The following LNPEP variants were observed in gnomAD, a reference collection of about 807,000 sequenced individuals.
LNPEP encodes the protein leucyl and cystinyl aminopeptidase.
A neutral mutation model predicts 120.6 loss-of-function variants in LNPEP; 64 were observed. That is an observed-to-expected ratio of 0.53 (90% CI 0.43 to 0.65). The LOEUF is 0.65. LNPEP is among the 30% of genes least tolerant of loss of function. The pLI is 0.00. For synonymous variants in LNPEP, 435 were observed against 425.4 expected (o/e 1.02, Z -0.28); for missense variants, 1,057 against 1,200.0 (o/e 0.88, Z 1.76).
At chr5:96,962,455 GT>G (rs1789627063) in intron 1 of LNPEP, among the ~76,000 whole-genome samples, 1 of 152,130 alleles carries the variant, frequency 6.6e-6, no homozygotes, top group Non-Finnish European at 1.5e-5. Context: ...GTGCTAGACT[GT>G]GTTCTAAATG....
chr5:97,035,176 A>T lies in LNPEP; in HGVS notation c.*6643A>T, dbSNP rs368814106. ...TATTGTTTAATTTTTTTTTATGGGG[A>T]GGGGTTCTTTGGGTGGGTAATAGTC... On this transcript the variant is annotated 3_prime_UTR_variant, in exon 18 of 18. Transcript: ENST00000231368. 4.6e-5 allele frequency: 7 copies of T among 151,602 alleles called. No individual in the cohort carries two copies. Among genetic ancestry groups the T allele is most frequent in the African/African-American group, 1.7e-4 (7 of 41,292 alleles). The allele number at this position is 151,602 out of a possible 1,614,324, so 9.4% of individuals were successfully genotyped here.
At chr5:97,009,035 A>G (rs191254462) in intron 11 of LNPEP, among the ~76,000 whole-genome samples, 4 of 152,178 alleles carry the variant, frequency 2.6e-5, no homozygotes, top group East Asian at 1.9e-4. Context: ...CTCATATTTT[A>G]CTGCTTTAGC....
At chr5:96,946,345 C>T (rs1355300143) in intron 1 of LNPEP, among the ~76,000 whole-genome samples, 1 of 152,042 alleles carries the variant, frequency 6.6e-6, no homozygotes, top group African/African-American at 2.4e-5. Context: ...GTAGGAAGCA[C>T]ACAGAAAAAT....
At chr5:96,959,127 G>A (rs140093010) in intron 1 of LNPEP, among the ~76,000 whole-genome samples, 27 of 152,210 alleles carry the variant, frequency 1.8e-4, no homozygotes, top group East Asian at 1.7e-3. Context: ...GTATTGGGCC[G>A]TCCTGGATAA....
At chr5:97,015,141 T>C in intron 13 of LNPEP, 46 bp downstream of exon 13, 1 of 1,346,058 alleles carries the variant, frequency 7.4e-7, no homozygotes, top group South Asian at 1.9e-5. Context: ...TCTTTAATAT[T>C]GTTATTCATG....
rs183045811 is a variant in LNPEP, at chr5:96,954,846, G to A, written c.19+18672G>A. Reference sequence around the variant, plus strand: ...CGCCCAGGCTGGAGTGCAGTGGCACGATCTCGGCTCACTGCAAGCTCCGCC... The same window carrying A: ...CGCCCAGGCTGGAGTGCAGTGGCACAATCTCGGCTCACTGCAAGCTCCGCC... On this transcript the variant is annotated intron_variant, in intron 1 of 17. Transcript: ENST00000231368. Among the ~76,000 whole-genome samples, 7 of 125,628 alleles carry A rather than the reference G, an allele frequency of 5.6e-5. No individual in the cohort carries two copies. In the South Asian group the frequency reaches 7.9e-4, roughly 14 times the overall value. 82.4% of individuals were successfully genotyped at this position (125,628 alleles called of 152,430 possible). A position where few individuals can be genotyped will look rare whatever the true frequency, so the allele number is the denominator to read the frequency against.
intron 1 of LNPEP, among the ~76,000 whole-genome samples, chr5:96,951,306 T>G (rs1011062498): frequency 2.6e-5 from 4 of 152,154 alleles, no homozygotes; most frequent in African/African-American, 9.6e-5. Context: ...CCACCCAGGC[T>G]GGAGTGCAGT....
chr5:97,000,777 A>C (rs1009503460), intron 8 of LNPEP, among the ~76,000 whole-genome samples: 3 of 152,166 alleles, frequency 2.0e-5, no homozygotes, highest in Admixed American at 6.5e-5. Flanking sequence ...ACCGTAATAA[A>C]TCATAGCAGT....
rs1438453039 is a variant in LNPEP at position 96,979,942 on chromosome 5, A to G, written c.824A>G (p.Tyr275Cys). The G allele has an allele frequency of 1.2e-6, 2 of 1,609,822 alleles. No individual in the cohort carries two copies. Among genetic ancestry groups the G allele is most frequent in the Non-Finnish European group, 1.7e-6 (2 of 1,177,028 alleles). ...ATATCTAGTTCTTATTATGGGTTTT[A>G]TGGCTTCTCCTACACAGATGAAAGT... is the stretch of plus-strand genomic sequence containing the variant. ...ANISSSYYGF[Y>C]GFSYTDESNE... Residue 275 changes from tyrosine (Y) to cysteine (C), a missense_variant, in exon 2 of 18, where the codon TAT becomes TGT. Coordinates refer to ENST00000231368, the MANE Select transcript of LNPEP (RefSeq NM_005575.3).
chr5:96,945,650 C>A (rs1789170589), intron 1 of LNPEP, among the ~76,000 whole-genome samples: 1 of 152,062 alleles, frequency 6.6e-6, no homozygotes, highest in Non-Finnish European at 1.5e-5. Flanking sequence ...AATATTAATG[C>A]TGGTCAGTTG....
chr5:97,007,690 C>T (rs141970115), intron 11 of LNPEP, among the ~76,000 whole-genome samples: 8 of 152,054 alleles, frequency 5.3e-5, no homozygotes, highest in African/African-American at 1.9e-4. Context: ...ATTTCTGTAT[C>T]TTGCCTTTTT....
rs770916753 is a variant in LNPEP at position 97,003,456 on chromosome 5, A to G, written c.1695A>G (p.Glu565=). 1.5e-5 allele frequency: 24 copies of G among 1,594,746 alleles called. No homozygotes were observed. The East Asian group carries it at 4.3e-4, about 28-fold the overall frequency. The change falls in exon 9 of 18, where the codon GAA becomes GAG. Residue 565 remains glutamate (E), a synonymous_variant. Transcript: ENST00000231368. ...LLLMLKTYLS[E]DVFQHAVVLY... is the part of the protein sequence containing the mutation. ...TGATGTTGAAAACTTACCTTAGTGA[A>G]GATGTGTTTCAACATGCTGTTGTCC...
intron 3 of LNPEP, among the ~76,000 whole-genome samples, chr5:96,985,629 A>G (rs910752828): frequency 6.6e-6 from 1 of 152,194 alleles, no homozygotes; most frequent in Non-Finnish European, 1.5e-5. Context: ...ATATTGTTAT[A>G]ATATGGAGAT....
intron 3 of LNPEP, among the ~76,000 whole-genome samples, chr5:96,985,973 G>A (rs1451893156): frequency 1.3e-5 from 2 of 152,170 alleles, no homozygotes; most frequent in Non-Finnish European, 2.9e-5. Flanking sequence ...TTTCTCTAAA[G>A]AGGCAGATGC....
intron 1 of LNPEP, among the ~76,000 whole-genome samples, chr5:96,963,780 A>G (rs1789662032): frequency 6.6e-6 from 1 of 152,210 alleles, no homozygotes; most frequent in South Asian, 2.1e-4. Context: ...GACACATTAT[A>G]ATTGTACATA....
chr5:96,987,362 A>G (rs1343190847), intron 4 of LNPEP, among the ~76,000 whole-genome samples: 2 of 152,184 alleles, frequency 1.3e-5, no homozygotes, highest in Non-Finnish European at 1.5e-5. Flanking sequence ...ATTCTATCAT[A>G]TTTATTAAAC....
intron 4 of LNPEP, among the ~76,000 whole-genome samples, chr5:96,988,587 C>A (rs1210243103): frequency 2.6e-5 from 4 of 151,952 alleles, no homozygotes; most frequent in African/African-American, 9.7e-5. Context: ...CCGCCCGCCT[C>A]AGCCTCCCAA....
chr5:96,992,599 A>G (rs561288054), intron 4 of LNPEP, among the ~76,000 whole-genome samples: 6 of 152,186 alleles, frequency 3.9e-5, no homozygotes, highest in Non-Finnish European at 7.4e-5. Flanking sequence ...TGAAAGGATG[A>G]AAATTTAGTT....
chr5:96,984,741 C>T (rs1790202395), intron 2 of LNPEP, among the ~76,000 whole-genome samples: 1 of 151,990 alleles, frequency 6.6e-6, no homozygotes, highest in Non-Finnish European at 1.5e-5. Context: ...CTTGTGTTAC[C>T]CACTCTTTCC....
Sources: allele counts gnomAD v4.1 joint callset (sites outside exome capture counted in the v4.1 genomes callset), GRCh38; gene constraint gnomAD v4.1.1; transcripts MANE v1.5; gene names NCBI Gene and HGNC (gene_info 2026-07-23, HGNC 2026-07-21).